Variants in MARCHF1 observed in about 807,000 individuals in gnomAD.
MARCHF1 encodes E3 ubiquitin-protein ligase MARCHF1.
Under a neutral mutation model 54.2 loss-of-function variants are expected in MARCHF1, and 40 were observed. The ratio of observed to expected loss-of-function variants is 0.74; its 90% confidence interval spans 0.57 to 0.96. MARCHF1 has a LOEUF of 0.96. Ranked by LOEUF, MARCHF1 falls within the 40% of genes least tolerant of loss-of-function variation. The probability of loss-of-function intolerance (pLI) is 0.00; values close to 1 mark genes in which losing one functional copy is unlikely to be tolerated. For synonymous variants in MARCHF1, 236 were observed against 236.3 expected, an observed-to-expected ratio of 1.00 and a Z score of 0.01; for missense variants, 586 against 656.5, an observed-to-expected ratio of 0.89 and a Z score of 1.17.
Position 163,698,756 on chromosome 4 carries a change from C to T in MARCHF1, c.162+2057G>A, listed in dbSNP as rs116033503. On this transcript the variant is annotated intron_variant, in intron 5 of 9. Coordinates refer to ENST00000514618, the MANE Select transcript of MARCHF1 (RefSeq NM_001394959.1). ...GTTTAGAAATGCAGATATAATTTCA[C>T]CCCTAGATCATGAAACAGTATTTGG... Among the ~76,000 whole-genome samples, 688 of 152,160 alleles carry T rather than the reference C, an allele frequency of 4.5e-3. 5 individuals are homozygous for T. The highest frequency in any genetic ancestry group is 0.016 in the African/African-American group (664 of 41,520).
chr4:163,892,917 AAC>A (rs1750692808), intron 3 of MARCHF1, among the ~76,000 whole-genome samples: 1 of 152,166 alleles, frequency 6.6e-6, no homozygotes, highest in African/African-American at 2.4e-5. Flanking sequence ...CAGTTCCTTG[AAC>A]ATATATTTCC....
In MARCHF1 at chr4:163,528,538, A is replaced by ATACT. The variant is rs1738222169; in HGVS notation, c.*206_*209dup. The stretch of plus-strand genomic sequence containing the variant: ...CTTGCAAACTTCACATTTCCATATC[A>ATACT]TACTTTACTTTACGCTATTACTTCA... On this transcript the variant is annotated 3_prime_UTR_variant, in exon 10 of 10. Coordinates refer to ENST00000514618, the MANE Select transcript of MARCHF1 (RefSeq NM_001394959.1). 3 of 530,704 alleles carry ATACT rather than the reference A, an allele frequency of 5.7e-6. No individual in the cohort carries two copies. In the African/African-American group the frequency reaches 5.8e-5, roughly 10 times the overall value. 32.9% of individuals were successfully genotyped at this position (530,704 alleles called of 1,614,324 possible).
chr4:163,550,316 GA>G lies in MARCHF1; in HGVS notation c.1192-4574del, dbSNP rs1579053772. ...AAAAAAAAAAGAAAAGAAAAGAAAAGAAAAAAGCAGGAGGTAGGGACTACTT... is the reference window on the plus strand; with the variant it reads ...AAAAAAAAAAGAAAAGAAAAGAAAAGAAAAAGCAGGAGGTAGGGACTACTT... On this transcript the variant is annotated intron_variant, in intron 8 of 9. Coordinates refer to ENST00000514618, the MANE Select transcript of MARCHF1 (RefSeq NM_001394959.1). 7.4e-5 allele frequency among the ~76,000 whole-genome samples: 11 copies of G among 147,946 alleles called. 1 individual carries two copies. Among genetic ancestry groups the G allele is most frequent in the Non-Finnish European group, 4.5e-5 (3 of 66,810 alleles).
At chr4:163,595,536 A>C (rs1560963416) in intron 7 of MARCHF1, among the ~76,000 whole-genome samples, 1 of 152,138 alleles carries the variant, frequency 6.6e-6, no homozygotes, top group Non-Finnish European at 1.5e-5. Flanking sequence ...TGGTATATAT[A>C]CACAATGAAA....
chr4:163,605,733 AG>A (rs1741120250), intron 7 of MARCHF1, among the ~76,000 whole-genome samples: 1 of 152,358 alleles, frequency 6.6e-6, no homozygotes, highest in Non-Finnish European at 1.5e-5. Context: ...GCCATAAAAA[AG>A]GATGAGTTCA....
chr4:164,320,300 G>T (rs1336436472), intron 1 of MARCHF1, among the ~76,000 whole-genome samples: 1 of 152,176 alleles, frequency 6.6e-6, no homozygotes, highest in Non-Finnish European at 1.5e-5. Context: ...TCTGCCAGGT[G>T]ATGGTTCCCA....
chr4:163,544,736 A>AT (rs768933886), intron 9 of MARCHF1, among the ~76,000 whole-genome samples: 46 of 151,364 alleles, frequency 3.0e-4, no homozygotes, highest in African/African-American at 6.8e-4. Flanking sequence ...ATTTTCTTCC[A>AT]TTTTTTCTCT....
Position 163,769,092 on chromosome 4 carries a change from C to T in MARCHF1, c.112-68229G>A, listed in dbSNP as rs114001984. Among the ~76,000 whole-genome samples the T allele has an allele frequency of 7.9e-3, 1,202 of 152,206 alleles. 11 individuals carry two copies. The highest frequency in any genetic ancestry group is 0.03 in the South Asian group (146 of 4,824). On this transcript the variant is annotated intron_variant, in intron 4 of 9. Transcript: ENST00000514618. The stretch of plus-strand genomic sequence containing the variant: ...TCTCTGCTGTGCTTTTTAAAAAGCA[C>T]ACCTAAATATTTTAATGTGACTTAT...
chr4:164,190,784 T>C (rs1434932522), intron 1 of MARCHF1, among the ~76,000 whole-genome samples: 1 of 152,220 alleles, frequency 6.6e-6, no homozygotes, highest in Non-Finnish European at 1.5e-5. Context: ...GAAATCCTTT[T>C]ATATTTGCAT....
chr4:164,210,577 T>C (rs1731736243), intron 1 of MARCHF1, among the ~76,000 whole-genome samples: 1 of 152,144 alleles, frequency 6.6e-6, no homozygotes, highest in Non-Finnish European at 1.5e-5. Flanking sequence ...TGTATAAATA[T>C]TGGCATTCCT....
chr4:164,142,838 C>A (rs1203664701), intron 1 of MARCHF1, among the ~76,000 whole-genome samples: 1 of 152,110 alleles, frequency 6.6e-6, no homozygotes, highest in Non-Finnish European at 1.5e-5. Context: ...CTTTGACGAG[C>A]TGAGAGAAGA....
At chr4:163,709,756 T>G (rs1229762163) in intron 4 of MARCHF1, among the ~76,000 whole-genome samples, 1 of 152,206 alleles carries the variant, frequency 6.6e-6, no homozygotes, top group Non-Finnish European at 1.5e-5. Flanking sequence ...TAACTAACCA[T>G]GTGATGGTAA....
At chr4:163,982,277 G>C (rs1467944481) in intron 3 of MARCHF1, among the ~76,000 whole-genome samples, 1 of 152,174 alleles carries the variant, frequency 6.6e-6, no homozygotes, top group African/African-American at 2.4e-5. Context: ...AAGAGAATTA[G>C]CCTTTCTACC....
At chr4:163,700,088 A>G (rs1365949120) in intron 5 of MARCHF1, among the ~76,000 whole-genome samples, 2 of 152,130 alleles carry the variant, frequency 1.3e-5, no homozygotes, top group Non-Finnish European at 2.9e-5. Flanking sequence ...AGTTCAGCCC[A>G]AAGTCCAGAA....
At chr4:163,941,446 C>T (rs4619845) in intron 3 of MARCHF1, among the ~76,000 whole-genome samples, 128,559 of 152,106 alleles carry the variant, frequency 0.85, 54,714 homozygotes, top group East Asian at 0.93. Context: ...TTGGAAAACA[C>T]AGGTATCAGA....
intron 1 of MARCHF1, among the ~76,000 whole-genome samples, chr4:164,313,645 A>C (rs1245148807): frequency 6.6e-6 from 1 of 152,164 alleles, no homozygotes; most frequent in African/African-American, 2.4e-5. Context: ...AGCAGTTTTA[A>C]ATAGTTACTA....
chr4:164,188,555 C>T (rs1025313328), intron 1 of MARCHF1: 44 of 754,680 alleles, frequency 5.8e-5, no homozygotes, highest in Non-Finnish European at 9.1e-5. Flanking sequence ...TCAGAGCAAA[C>T]GCATCACGCG....
chr4:164,257,267 G>T (rs946530785), intron 1 of MARCHF1, among the ~76,000 whole-genome samples: 6 of 152,138 alleles, frequency 3.9e-5, no homozygotes, highest in African/African-American at 1.2e-4. Flanking sequence ...GTTCATCTAT[G>T]TATCTGTTTT....
chr4:163,811,641 T>C (rs759210388), intron 4 of MARCHF1, among the ~76,000 whole-genome samples: 2 of 152,194 alleles, frequency 1.3e-5, no homozygotes, highest in African/African-American at 2.4e-5. Flanking sequence ...TGGAATTTCA[T>C]TGAATTACAG....
Sources: allele counts gnomAD v4.1 joint callset (sites outside exome capture counted in the v4.1 genomes callset), GRCh38; gene constraint gnomAD v4.1.1; transcripts MANE v1.5; gene names NCBI Gene and HGNC (gene_info 2026-07-23, HGNC 2026-07-21).